Variants in BEND4 observed in about 807,000 individuals in gnomAD.
BEND4 encodes BEN domain containing 4.
BEND4 carries 27 observed loss-of-function variants against 54.7 expected under a neutral mutation model. The ratio of observed to expected loss-of-function variants is 0.49; its 90% confidence interval spans 0.36 to 0.68. The LOEUF (loss-of-function observed/expected upper bound fraction) is 0.68, where lower values mean the gene tolerates loss of function less well. BEND4 is among the 30% of genes least tolerant of loss of function. The pLI is 0.00. For synonymous variants in BEND4, 327 were observed against 299.5 expected (o/e 1.09, Z -0.95); for missense variants, 702 against 697.2 (o/e 1.01, Z -0.08).
At chr4:42,124,794 T>C (rs944867146) in intron 4 of BEND4, among the ~76,000 whole-genome samples, 3 of 152,144 alleles carry the variant, frequency 2.0e-5, no homozygotes, top group Non-Finnish European at 4.4e-5. Flanking sequence ...TCTATGACAC[T>C]AGAGATGAGA....
chr4:42,150,240 G>A (rs1374254089), intron 2 of BEND4, among the ~76,000 whole-genome samples: 3 of 152,106 alleles, frequency 2.0e-5, no homozygotes, highest in African/African-American at 7.2e-5. Context: ...AAAATCAAGT[G>A]AGCCAACTGC....
intron 3 of BEND4, among the ~76,000 whole-genome samples, chr4:42,138,377 T>G (rs976402255): frequency 6.6e-6 from 1 of 152,084 alleles, no homozygotes; most frequent in Non-Finnish European, 1.5e-5. Flanking sequence ...TAAATTCAAA[T>G]TCAAATATAC....
At chr4:42,134,594 C>G (rs1401523481) in intron 3 of BEND4, among the ~76,000 whole-genome samples, 1 of 152,172 alleles carries the variant, frequency 6.6e-6, no homozygotes, top group Admixed American at 6.5e-5. Context: ...CCTCAAAGAC[C>G]TCCATGGCCT....
At chr4:42,145,487 A>G (rs1721043754) in intron 2 of BEND4, among the ~76,000 whole-genome samples, 1 of 152,012 alleles carries the variant, frequency 6.6e-6, no homozygotes, top group Admixed American at 6.6e-5. Flanking sequence ...GAGGTGGGAG[A>G]TCGAGACCAT....
At chr4:42,128,845 A>G (rs1024934152) in intron 3 of BEND4, among the ~76,000 whole-genome samples, 1 of 151,922 alleles carries the variant, frequency 6.6e-6, no homozygotes, top group Non-Finnish European at 1.5e-5. Context: ...CTGAGACAGG[A>G]AAACGGCGTG....
At chr4:42,142,376 T>C (rs1289738142) in intron 3 of BEND4, among the ~76,000 whole-genome samples, 5 of 148,902 alleles carry the variant, frequency 3.4e-5, no homozygotes, top group Admixed American at 1.3e-4. Flanking sequence ...TCCCAGCACT[T>C]TGGGAGGCCG....
chr4:42,131,128 G>T (rs952619923), intron 3 of BEND4, among the ~76,000 whole-genome samples: 1 of 152,166 alleles, frequency 6.6e-6, no homozygotes, highest in Non-Finnish European at 1.5e-5. Context: ...AGCTTATTGC[G>T]TAGGTGATGG....
chr4:42,125,665 T>C lies in BEND4; in HGVS notation c.1064A>G (p.Gln355Arg). 1 of 1,609,916 alleles carries C rather than the reference T, an allele frequency of 6.2e-7. No individual in the cohort carries two copies. Among genetic ancestry groups the C allele is most frequent in the Non-Finnish European group, 8.5e-7 (1 of 1,177,608 alleles). Residue 355 changes from glutamine (Q) to arginine (R), a missense_variant, in exon 4 of 6, where the codon CAG becomes CGG. Physicochemically the swap from Gln to Arg is conservative, Grantham distance 43. Transcript: ENST00000502486. ...RKLESIPVPC[Q>R]TVLDYLKMVL... ...CATCTTCAAGTAATCTAAAACGGTC[T>C]GGCAGGGCACTGGGTGGAAGAAATG...
At chr4:42,143,001 T>G (rs193260544) in intron 3 of BEND4, among the ~76,000 whole-genome samples, 24 of 152,338 alleles carry the variant, frequency 1.6e-4, no homozygotes, top group African/African-American at 5.5e-4. Context: ...ACTAATAAAA[T>G]GCATAGGATC....
rs1720984398 is a variant in BEND4, at chr4:42,143,884, A to G, written c.598T>C (p.Cys200Arg). The G allele has an allele frequency of 6.5e-7, 1 of 1,544,816 alleles. No individual in the cohort carries two copies. Among genetic ancestry groups the G allele is most frequent in the South Asian group, 1.3e-5 (1 of 77,340 alleles). ...DSNHSQSMIS[C>R]VKQEGSSYNE... ...TAACTTGAGCCTTCCTGCTTTACGC[A>G]AGAAATCATGGACTGAGAATGGTTG... The change falls in exon 3 of 6, where the codon TGC becomes CGC. Residue 200 changes from cysteine (C) to arginine (R), a missense_variant. Transcript: ENST00000502486.
chr4:42,142,631 C>A (rs1021733998), intron 3 of BEND4, among the ~76,000 whole-genome samples: 2 of 135,070 alleles, frequency 1.5e-5, no homozygotes, highest in Non-Finnish European at 3.1e-5. Flanking sequence ...AGAGAGACTC[C>A]GTCTCAAAAA....
rs1288025468 is a variant in BEND4 at position 42,151,626 on chromosome 4, C to A, written c.487+31G>T. On this transcript the variant is annotated intron_variant, in intron 2 of 5. Transcript: ENST00000502486. ...CCCCTCCCGCTGCCCCCGGCCGTGGCGGGAAGGAAAGTTGTGCGGAGAGTT... is the reference window on the plus strand; with the variant it reads ...CCCCTCCCGCTGCCCCCGGCCGTGGAGGGAAGGAAAGTTGTGCGGAGAGTT... 7 of 1,430,630 alleles carry A rather than the reference C, an allele frequency of 4.9e-6. No individual in the cohort carries two copies. In the African/African-American group the frequency reaches 7.6e-5, roughly 16 times the overall value. The allele number at this position is 1,430,630 out of a possible 1,614,324, so 88.6% of individuals were successfully genotyped here.
chr4:42,143,068 AC>A (rs1167641886), intron 3 of BEND4, among the ~76,000 whole-genome samples: 1 of 152,242 alleles, frequency 6.6e-6, no homozygotes, highest in East Asian at 1.9e-4. Flanking sequence ...TTTTAAGAAA[AC>A]AGGCTTATAG....
chr4:42,149,302 G>A (rs986198145), intron 2 of BEND4, among the ~76,000 whole-genome samples: 2 of 151,556 alleles, frequency 1.3e-5, no homozygotes, highest in Non-Finnish European at 2.9e-5. Context: ...CTCTTCAGGT[G>A]GCTGTTCTCT....
At position 42,151,854 on chromosome 4, in the gene BEND4, G is replaced by A. The variant is rs1270286682; in HGVS notation, c.290C>T (p.Ala97Val). 5 of 1,315,948 alleles carry A rather than the reference G, an allele frequency of 3.8e-6. No homozygotes were observed. The South Asian group carries it at 1.1e-4, about 30-fold the overall frequency. The allele number at this position is 1,315,948 out of a possible 1,614,324, so 81.5% of individuals were successfully genotyped here. ...PPGPGRAAAA[A>V]SSSSPSCTPA... ...CGTGCAGGACGGCGACGACGACGAA[G>A]CGGCGGCGGCGGCCCGGCCGGGCCC... The change falls in exon 2 of 6, where the codon GCT becomes GTT. Residue 97 changes from alanine to valine, a missense_variant. Transcript: ENST00000502486.
intron 2 of BEND4, among the ~76,000 whole-genome samples, chr4:42,145,975 G>T (rs1721068268): frequency 6.6e-6 from 1 of 152,162 alleles, no homozygotes; most frequent in South Asian, 2.1e-4. Context: ...ACTGAGGTAG[G>T]GGTAGCAAGT....
intron 4 of BEND4, among the ~76,000 whole-genome samples, chr4:42,121,642 G>GTA (rs1720064167): frequency 6.6e-6 from 1 of 152,198 alleles, no homozygotes; most frequent in South Asian, 2.1e-4. Flanking sequence ...GGTGGACCCT[G>GTA]TGTATAAGAG....
chr4:42,139,652 C>T (rs1029998602), intron 3 of BEND4, among the ~76,000 whole-genome samples: 1 of 152,082 alleles, frequency 6.6e-6, no homozygotes, highest in African/African-American at 2.4e-5. Flanking sequence ...CCGAGGAACG[C>T]TACCTGGGCT....
At chr4:42,151,634 A>T in intron 2 of BEND4, 23 bp downstream of exon 2, 1 of 1,444,794 alleles carries the variant, frequency 6.9e-7, no homozygotes, top group Non-Finnish European at 9.0e-7. Flanking sequence ...GGCGGGAAGG[A>T]AAGTTGTGCG....
Sources: allele counts gnomAD v4.1 joint callset (sites outside exome capture counted in the v4.1 genomes callset), GRCh38; gene constraint gnomAD v4.1.1; transcripts MANE v1.5; gene names NCBI Gene and HGNC (gene_info 2026-07-23, HGNC 2026-07-21).